CUL2: variants seen among roughly 807,000 people sequenced by gnomAD.
CUL2 encodes cullin-2.
Under a neutral mutation model 110.2 loss-of-function variants are expected in CUL2, and 22 were observed. That is an observed-to-expected ratio of 0.20 (90% CI 0.14 to 0.28). The LOEUF is 0.28. CUL2 is among the 10% of genes least tolerant of loss of function. CUL2 has a pLI of 1.00. For synonymous variants in CUL2, 279 were observed against 293.2 expected (o/e 0.95, Z 0.49); for missense variants, 631 against 905.5 (o/e 0.70, Z 3.89).
chr10:35,061,698 T>A (rs979058097), intron 3 of CUL2, among the ~76,000 whole-genome samples: 3 of 151,470 alleles, frequency 2.0e-5, no homozygotes, highest in African/African-American at 7.3e-5. Flanking sequence ...TGCCATATAC[T>A]ATCAAAAGTA....
intron 20 of CUL2, among the ~76,000 whole-genome samples, chr10:35,011,181 G>A (rs966201038): frequency 3.3e-5 from 5 of 151,202 alleles, no homozygotes; most frequent in African/African-American, 4.9e-5. Context: ...CAAGTGTGCC[G>A]CCACAACTGG....
chr10:35,063,497 AC>A (rs2086436837), intron 2 of CUL2, among the ~76,000 whole-genome samples: 1 of 152,214 alleles, frequency 6.6e-6, no homozygotes, highest in African/African-American at 2.4e-5. Context: ...ATTCTGAGAA[AC>A]TAAACAAAAA....
At chr10:35,026,956 G>A (rs2085350729) in intron 16 of CUL2, among the ~76,000 whole-genome samples, 1 of 151,554 alleles carries the variant, frequency 6.6e-6, no homozygotes, top group Non-Finnish European at 1.5e-5. Flanking sequence ...TTAGCATTAG[G>A]TATATCTCCT....
intron 2 of CUL2, chr10:35,099,657 T>C (rs1334320705): frequency 6.6e-6 from 1 of 152,034 alleles, no homozygotes; most frequent in Non-Finnish European, 1.5e-5. Flanking sequence ...ATGCCTATGA[T>C]CCTAGCTACT....
intron 5 of CUL2, among the ~76,000 whole-genome samples, chr10:35,052,173 T>C (rs1307035279): frequency 6.6e-6 from 1 of 152,228 alleles, no homozygotes; most frequent in Admixed American, 6.5e-5. Flanking sequence ...CCCTATTGTT[T>C]CCCTAGGGTA....
rs148278049 is a variant in CUL2, at chr10:35,013,652, C to T, written c.1989+47G>A. The T allele has an allele frequency of 1.4e-5, 18 of 1,250,696 alleles. No homozygotes were observed. The Admixed American group carries it at 1.7e-4, about 12-fold the overall frequency. 77.5% of individuals were successfully genotyped at this position (1,250,696 alleles called of 1,614,324 possible). ...ATGTAAACACTTGTAAAGTCCAATG[C>T]TTAAATGTTTCCCCCTCAAAAAAAA... On this transcript the variant is annotated intron_variant, in intron 19 of 20. Transcript: ENST00000374749.
At chr10:35,015,130 C>T (rs1228351001) in intron 18 of CUL2, among the ~76,000 whole-genome samples, 1 of 151,892 alleles carries the variant, frequency 6.6e-6, no homozygotes, top group Non-Finnish European at 1.5e-5. Context: ...CCTATCTCTA[C>T]TAAAAATACA....
intron 4 of CUL2, among the ~76,000 whole-genome samples, chr10:35,056,430 T>C (rs2086242065): frequency 6.6e-6 from 1 of 152,208 alleles, no homozygotes; most frequent in Non-Finnish European, 1.5e-5. Context: ...GACAGATGTA[T>C]GTGGTACTCC....
At chr10:35,108,118 C>T (rs1220754998) in intron 1 of CUL2, among the ~76,000 whole-genome samples, 1 of 151,938 alleles carries the variant, frequency 6.6e-6, no homozygotes, top group East Asian at 1.9e-4. Context: ...AGAATGGATG[C>T]AGGCTGATCA....
chr10:35,078,341 G>A (rs2086871750), intron 1 of CUL2, among the ~76,000 whole-genome samples: 1 of 151,408 alleles, frequency 6.6e-6, no homozygotes, highest in Non-Finnish European at 1.5e-5. Flanking sequence ...TGTTGCCCAG[G>A]CTGGAGTGCA....
chr10:35,102,228 C>G (rs1400113012), intron 1 of CUL2, among the ~76,000 whole-genome samples: 1 of 150,710 alleles, frequency 6.6e-6, no homozygotes, highest in Non-Finnish European at 1.5e-5. Context: ...GAGCGAGACT[C>G]CATCTCAAAA....
At chr10:35,037,572 G>T (rs906613566) in intron 9 of CUL2, among the ~76,000 whole-genome samples, 1 of 152,154 alleles carries the variant, frequency 6.6e-6, no homozygotes, top group Non-Finnish European at 1.5e-5. Context: ...GGGGCCAAGG[G>T]TGGTGGCTCG....
chr10:35,033,771 A>G (rs1366057909), intron 10 of CUL2, among the ~76,000 whole-genome samples: 7 of 138,554 alleles, frequency 5.1e-5, no homozygotes, highest in African/African-American at 1.6e-4. Flanking sequence ...AAAAAAAAAA[A>G]GGAAGAAAGA....
At chr10:35,041,468 T>C in intron 8 of CUL2, among the ~76,000 whole-genome samples, 1 of 152,156 alleles carries the variant, frequency 6.6e-6, no homozygotes, top group Non-Finnish European at 1.5e-5. Flanking sequence ...ATTAACTAAA[T>C]GGAGAGCAAA....
At chr10:35,051,321 G>GA (rs1295689297) in intron 5 of CUL2, among the ~76,000 whole-genome samples, 5 of 111,948 alleles carry the variant, frequency 4.5e-5, no homozygotes, top group African/African-American at 6.8e-5. Context: ...TCTCAAAAAA[G>GA]AAAAAAAACC....
chr10:35,119,385 T>C (rs1446793719), intron 1 of CUL2, among the ~76,000 whole-genome samples: 1 of 152,080 alleles, frequency 6.6e-6, no homozygotes, highest in East Asian at 1.9e-4. Flanking sequence ...CACTGTGGAG[T>C]TGCTTGAGCC....
chr10:35,093,942 T>G, upstream of CUL2, among the ~76,000 whole-genome samples: 1 of 152,006 alleles, frequency 6.6e-6, no homozygotes, highest in East Asian at 1.9e-4. Flanking sequence ...AGCATGCAAT[T>G]TATGTTAAAT....
At chr10:35,070,831 C>G (rs548569059) in intron 2 of CUL2, among the ~76,000 whole-genome samples, 1 of 152,176 alleles carries the variant, frequency 6.6e-6, no homozygotes, top group Admixed American at 6.5e-5. Flanking sequence ...AAGCCTCCCC[C>G]ACGTCCTTAT....
At chr10:35,113,770 G>C (rs1026976473) in intron 1 of CUL2, among the ~76,000 whole-genome samples, 1 of 151,170 alleles carries the variant, frequency 6.6e-6, no homozygotes, top group African/African-American at 2.4e-5. Flanking sequence ...GCAGTGGCAC[G>C]ATCTCAGCTT....
Sources: gnomAD v4.1 joint callset for allele counts (sites outside exome capture counted in the v4.1 genomes callset) on GRCh38, gnomAD v4.1.1 for gene constraint, MANE v1.5 for transcripts, NCBI Gene and HGNC (gene_info 2026-07-23, HGNC 2026-07-21) for gene names.